Variants in GRID2 observed in about 807,000 individuals in gnomAD.
GRID2 encodes the protein glutamate ionotropic receptor delta type subunit 2.
GRID2 carries 33 observed loss-of-function variants against 114.8 expected under a neutral mutation model. The observed-to-expected ratio is 0.29, with a 90% CI of 0.22 to 0.38. The LOEUF is 0.38. Ranked by LOEUF, GRID2 falls within the 10% of genes least tolerant of loss-of-function variation. GRID2 has a pLI of 1.00. For missense variants in GRID2, 1,184 were observed against 1,257.7 expected, an observed-to-expected ratio of 0.94 and a Z score of 0.89; for synonymous variants, 505 against 449.9, an observed-to-expected ratio of 1.12 and a Z score of -1.55.
chr4:92,430,279 G>A (rs373060491), intron 1 of GRID2, among the ~76,000 whole-genome samples: 24 of 152,222 alleles, frequency 1.6e-4, no homozygotes, highest in African/African-American at 5.5e-4. Context: ...TTTTATTTTT[G>A]TATGTGGTGA....
intron 1 of GRID2, among the ~76,000 whole-genome samples, chr4:92,436,790 A>G (rs1480160329): frequency 6.6e-6 from 1 of 152,144 alleles, no homozygotes; most frequent in Non-Finnish European, 1.5e-5. Context: ...AATCTCCTAA[A>G]TGCCTGATAC....
At chr4:92,999,642 T>C (rs1002758770) in intron 2 of GRID2, among the ~76,000 whole-genome samples, 1 of 151,688 alleles carries the variant, frequency 6.6e-6, no homozygotes, top group Non-Finnish European at 1.5e-5. Flanking sequence ...TCTATTCCTT[T>C]AGCATAGATT....
chr4:92,618,458 G>T (rs185265934), intron 2 of GRID2, among the ~76,000 whole-genome samples: 145 of 151,770 alleles, frequency 9.6e-4, no homozygotes, highest in Non-Finnish European at 1.2e-3. Context: ...CTTCAGCTTT[G>T]TTCATTTTGC....
chr4:93,759,674 A>C (rs1733044804), intron 14 of GRID2, among the ~76,000 whole-genome samples: 1 of 152,204 alleles, frequency 6.6e-6, no homozygotes, highest in South Asian at 2.1e-4. Flanking sequence ...TAACATTGGC[A>C]AAGCACCCTA....
chr4:92,322,627 G>A lies in GRID2; in HGVS notation c.88+17883G>A, dbSNP rs1035077357. Reference sequence around the variant, plus strand: ...TTTGGACTGATTGGAGGCAAACTGGGGCAAATAAGCACCCTAGTATTAGAA... The same window carrying A: ...TTTGGACTGATTGGAGGCAAACTGGAGCAAATAAGCACCCTAGTATTAGAA... On this transcript the variant is annotated intron_variant, in intron 1 of 15. Coordinates refer to ENST00000282020, the MANE Select transcript of GRID2 (RefSeq NM_001510.4). Among the ~76,000 whole-genome samples the A allele has an allele frequency of 2.6e-5, 4 of 151,956 alleles. No individual in the cohort carries two copies. The East Asian group carries it at 5.8e-4, about 22-fold the overall frequency.
At chr4:92,389,289 G>T (rs1400831010) in intron 1 of GRID2, among the ~76,000 whole-genome samples, 1 of 152,044 alleles carries the variant, frequency 6.6e-6, no homozygotes, top group Non-Finnish European at 1.5e-5. Flanking sequence ...TAGCAGAGAT[G>T]TGGAAAGGGA....
intron 8 of GRID2, among the ~76,000 whole-genome samples, chr4:93,280,240 C>T (rs1011582813): frequency 6.6e-6 from 1 of 151,862 alleles, no homozygotes; most frequent in African/African-American, 2.4e-5. Context: ...TTAGGGAGTC[C>T]TCAATGGCCT....
At chr4:92,976,588 C>T (rs1171020775) in intron 2 of GRID2, among the ~76,000 whole-genome samples, 1 of 152,076 alleles carries the variant, frequency 6.6e-6, no homozygotes, top group Non-Finnish European at 1.5e-5. Flanking sequence ...ACACTATTCC[C>T]ACTTCCCAAC....
chr4:92,960,350 T>C (rs1051563097), intron 2 of GRID2, among the ~76,000 whole-genome samples: 1 of 152,008 alleles, frequency 6.6e-6, no homozygotes. Flanking sequence ...CCATTTCTGA[T>C]AGAGGGGTGC....
chr4:92,987,155 A>G (rs920831656), intron 2 of GRID2, among the ~76,000 whole-genome samples: 2 of 152,220 alleles, frequency 1.3e-5, no homozygotes, highest in African/African-American at 4.8e-5. Context: ...TGGTTCAGAA[A>G]GGAAATTACT....
At chr4:93,462,864 T>C (rs936098191) in intron 11 of GRID2, among the ~76,000 whole-genome samples, 3 of 152,200 alleles carry the variant, frequency 2.0e-5, no homozygotes, top group African/African-American at 7.2e-5. Flanking sequence ...TTGAATATAA[T>C]AAAAATGACA....
intron 14 of GRID2, among the ~76,000 whole-genome samples, chr4:93,632,082 G>A (rs1374573757): frequency 6.6e-6 from 1 of 151,944 alleles, no homozygotes; most frequent in East Asian, 1.9e-4. Context: ...TTCCTTGTAA[G>A]TTTGTTTGAG....
intron 11 of GRID2, among the ~76,000 whole-genome samples, chr4:93,467,024 T>C (rs1405547041): frequency 6.6e-6 from 1 of 152,204 alleles, no homozygotes; most frequent in African/African-American, 2.4e-5. Context: ...AGAATCTTGC[T>C]AAGTATCTAT....
intron 2 of GRID2, among the ~76,000 whole-genome samples, chr4:92,663,165 G>A (rs62309222): frequency 0.061 from 9,183 of 151,016 alleles, 337 homozygotes; most frequent in East Asian, 0.16. Flanking sequence ...ACTCTAAAAA[G>A]AAACACCAGC....
intron 2 of GRID2, among the ~76,000 whole-genome samples, chr4:92,686,232 C>T (rs1288288499): frequency 6.6e-6 from 1 of 151,868 alleles, no homozygotes; most frequent in Non-Finnish European, 1.5e-5. Flanking sequence ...ATTAAATTGG[C>T]CCCATAGAGA....
chr4:93,000,159 G>A (rs1429048380), intron 2 of GRID2, among the ~76,000 whole-genome samples: 3 of 151,650 alleles, frequency 2.0e-5, no homozygotes, highest in African/African-American at 4.8e-5. Context: ...ACTTAGAAGA[G>A]TTAATAACTC....
intron 2 of GRID2, among the ~76,000 whole-genome samples, chr4:92,934,313 C>T (rs577590446): frequency 6.6e-6 from 1 of 151,868 alleles, no homozygotes; most frequent in South Asian, 2.1e-4. Flanking sequence ...TGGGAGTTCA[C>T]TCATGGTTTG....
intron 11 of GRID2, among the ~76,000 whole-genome samples, chr4:93,475,612 A>T (rs2149440401): frequency 6.6e-6 from 1 of 152,248 alleles, no homozygotes; most frequent in African/African-American, 2.4e-5. Flanking sequence ...AACTAATGAC[A>T]TACTTATGCA....
At chr4:93,798,728 T>C (rs1258320742) in intron 1 of GRID2, among the ~76,000 whole-genome samples, 1 of 152,230 alleles carries the variant, frequency 6.6e-6, no homozygotes, top group East Asian at 1.9e-4. Flanking sequence ...AGCAGTTCTA[T>C]GCTTTAGAGA....
Sources: gnomAD v4.1 joint callset for allele counts (sites outside exome capture counted in the v4.1 genomes callset) on GRCh38, gnomAD v4.1.1 for gene constraint, MANE v1.5 for transcripts, NCBI Gene and HGNC (gene_info 2026-07-23, HGNC 2026-07-21) for gene names.